The following CPNE5 variants were observed in gnomAD, a reference collection of about 807,000 sequenced individuals.
CPNE5 encodes copine-5.
In CPNE5, 42 loss-of-function variants were observed where a neutral mutation model predicts 81.1. That is an observed-to-expected ratio of 0.52 (90% CI 0.40 to 0.67). The LOEUF is 0.67. CPNE5 is among the 30% of genes least tolerant of loss of function. CPNE5 has a pLI of 0.00. For missense variants in CPNE5, 612 were observed against 815.5 expected, an observed-to-expected ratio of 0.75 and a Z score of 3.04; for synonymous variants, 313 against 321.5, an observed-to-expected ratio of 0.97 and a Z score of 0.28.
intron 13 of CPNE5, among the ~76,000 whole-genome samples, chr6:36,753,363 G>T (rs1168062540): frequency 6.6e-6 from 1 of 152,260 alleles, no homozygotes; most frequent in Non-Finnish European, 1.5e-5. Context: ...TGACTTCAGA[G>T]CCTGCACTCT....
intron 8 of CPNE5, among the ~76,000 whole-genome samples, chr6:36,782,866 C>CAAAA (rs1376946343): frequency 4.9e-5 from 7 of 143,466 alleles, no homozygotes; most frequent in African/African-American, 1.8e-4. Context: ...CACACACACA[C>CAAAA]ACAAAACGGC....
chr6:36,769,512 G>A (rs558755702), intron 10 of CPNE5, among the ~76,000 whole-genome samples: 87 of 152,352 alleles, frequency 5.7e-4, no homozygotes, highest in African/African-American at 1.9e-3. Flanking sequence ...ATGAGCCTCT[G>A]CCTGGCAGGG....
chr6:36,823,636 A>C (rs4714014), intron 1 of CPNE5, among the ~76,000 whole-genome samples: 52,075 of 152,038 alleles, frequency 0.34, 9,739 homozygotes, highest in African/African-American at 0.49. Context: ...GGTCAAGACC[A>C]GGGCTAACAC....
intron 3 of CPNE5, among the ~76,000 whole-genome samples, chr6:36,812,031 G>C (rs1035680619): frequency 2.6e-5 from 4 of 152,202 alleles, no homozygotes; most frequent in African/African-American, 9.7e-5. Context: ...TTGGACCCAG[G>C]AGGTGGAGGT....
intron 14 of CPNE5, among the ~76,000 whole-genome samples, chr6:36,750,163 A>G (rs913543694): frequency 6.6e-6 from 1 of 152,218 alleles, no homozygotes; most frequent in African/African-American, 2.4e-5. Flanking sequence ...TGTTCTAGTA[A>G]TTCTTAGTTG....
At chr6:36,744,655 C>A (rs1763928513) in intron 18 of CPNE5, 1 of 479,764 alleles carries the variant, frequency 2.1e-6, no homozygotes, top group African/African-American at 1.9e-5. Context: ...CAACTCTGAG[C>A]CTCCCCTCCC....
At chr6:36,807,742 T>C (rs1157504755) in intron 3 of CPNE5, among the ~76,000 whole-genome samples, 2 of 152,184 alleles carry the variant, frequency 1.3e-5, no homozygotes, top group Non-Finnish European at 2.9e-5. Flanking sequence ...TGGAGGCAAA[T>C]GCAGGGCTGG....
intron 14 of CPNE5, among the ~76,000 whole-genome samples, chr6:36,749,929 G>A (rs1451393508): frequency 6.6e-6 from 1 of 152,202 alleles, no homozygotes; most frequent in Admixed American, 6.5e-5. Context: ...GAACAAAGCT[G>A]ACAAACACAA....
In CPNE5 at chr6:36,753,033, C is replaced by A. The variant is rs780652073; in HGVS notation, c.971+1G>T. 1.9e-6 allele frequency: 3 copies of A among 1,610,086 alleles called. No individual in the cohort carries two copies. The African/African-American group carries it at 4.0e-5, about 22-fold the overall frequency. ...ATGAAATTGGCTGTATCTCTTCTCA[C>A]CCTCCTTTGATGTAGTCAAGGAAGG... On this transcript the variant is annotated splice_donor_variant, in intron 14 of 20. Coordinates refer to ENST00000244751, the MANE Select transcript of CPNE5 (RefSeq NM_020939.2). LOFTEE classifies it high-confidence loss of function.
At chr6:36,777,471 C>T (rs1363576993) in intron 9 of CPNE5, among the ~76,000 whole-genome samples, 6 of 152,154 alleles carry the variant, frequency 3.9e-5, no homozygotes, top group African/African-American at 1.4e-4. Context: ...CGGCCCCAGC[C>T]AGACAAGCCC....
intron 3 of CPNE5, among the ~76,000 whole-genome samples, chr6:36,802,052 C>T (rs12195080): frequency 6.6e-6 from 1 of 151,872 alleles, no homozygotes. Flanking sequence ...AACCCTGTCT[C>T]TACTAAAAAT....
intron 3 of CPNE5, among the ~76,000 whole-genome samples, chr6:36,802,810 G>T (rs1199960690): frequency 6.6e-6 from 1 of 152,144 alleles, no homozygotes; most frequent in Non-Finnish European, 1.5e-5. Context: ...AGCACTTTGG[G>T]AGGCTGAGGC....
chr6:36,825,697 G>A (rs76022960), intron 1 of CPNE5, among the ~76,000 whole-genome samples: 94 of 152,300 alleles, frequency 6.2e-4, no homozygotes, highest in African/African-American at 1.9e-3. Flanking sequence ...ACACCGAGGC[G>A]GGCTGACTTC....
At chr6:36,786,240 A>C (rs1197315545) in intron 8 of CPNE5, among the ~76,000 whole-genome samples, 2 of 152,152 alleles carry the variant, frequency 1.3e-5, no homozygotes, top group African/African-American at 4.8e-5. Context: ...TAGGAGGAGG[A>C]GCCTGGAGCT....
intron 8 of CPNE5, among the ~76,000 whole-genome samples, chr6:36,782,051 A>G (rs1240737749): frequency 6.6e-6 from 1 of 152,056 alleles, no homozygotes; most frequent in East Asian, 1.9e-4. Context: ...GACCACCACA[A>G]TCCTTTTAAG....
intron 17 of CPNE5, 98 bp from the exon 18 acceptor site, chr6:36,745,248 T>C (rs1331917638): frequency 1.4e-6 from 2 of 1,423,088 alleles, no homozygotes; most frequent in East Asian, 2.4e-5. Context: ...GTGACAGCTC[T>C]TGGGGGAATC....
chr6:36,752,267 G>C (rs1348848552), intron 14 of CPNE5, among the ~76,000 whole-genome samples: 5 of 152,168 alleles, frequency 3.3e-5, no homozygotes, highest in African/African-American at 1.2e-4. Flanking sequence ...CCCTGACCTG[G>C]CACCTGTCCT....
chr6:36,746,334 C>A lies in CPNE5; in HGVS notation c.1200+62G>T. The A allele has an allele frequency of 7.2e-7, 1 of 1,392,902 alleles. No individual in the cohort carries two copies. 86.3% of individuals were successfully genotyped at this position (1,392,902 alleles called of 1,614,324 possible). Reference sequence around the variant, plus strand: ...AGAGGAAGGGAAACGTCCCCCCACCCCCAGCTTGTCACCTCACCCCCAGCC... The same window carrying A: ...AGAGGAAGGGAAACGTCCCCCCACCACCAGCTTGTCACCTCACCCCCAGCC... On this transcript the variant is annotated intron_variant, in intron 16 of 20. Transcript: ENST00000244751. This position sits in a 1 kb window ranked among gnomAD's most constrained non-coding sequence, Gnocchi z 4.5.
In CPNE5 at chr6:36,831,737, A is replaced by G. The variant is rs139227710; in HGVS notation, c.95+7546T>C. On this transcript the variant is annotated intron_variant, in intron 1 of 20. Transcript: ENST00000244751. ...CAGTAGTGTTCAGTTATTGGTACCTATTACCATGATTAAACTGATTTAGCA... is the reference window on the plus strand; with the variant it reads ...CAGTAGTGTTCAGTTATTGGTACCTGTTACCATGATTAAACTGATTTAGCA... Among the ~76,000 whole-genome samples, 260 of 152,072 alleles carry G rather than the reference A, an allele frequency of 1.7e-3. 2 individuals are homozygous for G. The highest frequency in any genetic ancestry group is 5.9e-3 in the African/African-American group (243 of 41,486).
Sources: allele counts gnomAD v4.1 joint callset (sites outside exome capture counted in the v4.1 genomes callset), GRCh38; gene constraint gnomAD v4.1.1; non-coding constraint Gnocchi (gnomAD v3.1); transcripts MANE v1.5; gene names NCBI Gene and HGNC (gene_info 2026-07-23, HGNC 2026-07-21).